Variants in LINGO2 observed in about 807,000 individuals in gnomAD.
LINGO2 encodes leucine rich repeat and Ig domain containing 2.
Under a neutral mutation model 30.6 loss-of-function variants are expected in LINGO2, and 14 were observed. The observed-to-expected ratio is 0.46, with a 90% CI of 0.30 to 0.72. The LOEUF is 0.72. Among genes scored for constraint, LINGO2 ranks in the 30% least tolerant of loss-of-function variants. The probability of loss-of-function intolerance (pLI) is 0.07; values close to 1 mark genes in which losing one functional copy is unlikely to be tolerated. For missense variants in LINGO2, 729 were observed against 751.7 expected (o/e 0.97, Z 0.35); for synonymous variants, 317 against 288.5 (o/e 1.10, Z -1.00).
At chr9:28,721,717 T>G in the LINGO2 span, among the ~76,000 whole-genome samples, 153 of 152,094 alleles carry the variant, frequency 1.0e-3, no homozygotes, top group Middle Eastern at 3.4e-3. Flanking sequence ...CATGTGGGGC[T>G]TAAAACCTAG....
chr9:28,597,861 T>C (rs917467040), intron 1 of LINGO2, among the ~76,000 whole-genome samples: 1 of 152,016 alleles, frequency 6.6e-6, no homozygotes, highest in African/African-American at 2.4e-5. Flanking sequence ...ACCTCCTGGG[T>C]TCAAGTGATT....
At chr9:28,048,735 AAT>A (rs1443999415) in intron 4 of LINGO2, among the ~76,000 whole-genome samples, 5 of 150,926 alleles carry the variant, frequency 3.3e-5, no homozygotes, top group African/African-American at 1.2e-4. Flanking sequence ...GAAAAGATTT[AAT>A]AAATTCAACC....
the LINGO2 span, among the ~76,000 whole-genome samples, chr9:28,746,944 C>G: frequency 6.6e-6 from 1 of 151,912 alleles, no homozygotes; most frequent in Non-Finnish European, 1.5e-5. Flanking sequence ...AACTGAATGA[C>G]TATATGTCAC....
At chr9:27,993,094 C>T (rs915910815) in intron 5 of LINGO2, among the ~76,000 whole-genome samples, 2 of 152,198 alleles carry the variant, frequency 1.3e-5, no homozygotes, top group Admixed American at 6.5e-5. Flanking sequence ...GACTAATATG[C>T]TAATTTCACA....
intron 5 of LINGO2, among the ~76,000 whole-genome samples, chr9:27,965,228 A>T (rs1424089335): frequency 1.3e-5 from 2 of 152,038 alleles, no homozygotes; most frequent in African/African-American, 4.8e-5. Context: ...TTACAGTCTC[A>T]GTAAGGGAAC....
At chr9:28,055,039 A>T (rs7037524) in intron 4 of LINGO2, among the ~76,000 whole-genome samples, 43,807 of 151,678 alleles carry the variant, frequency 0.29, 6,617 homozygotes, top group African/African-American at 0.37. Context: ...TTGCAAAAAA[A>T]ATATATATAG....
chr9:28,322,075 A>C (rs992730278), intron 3 of LINGO2, among the ~76,000 whole-genome samples: 4 of 152,118 alleles, frequency 2.6e-5, no homozygotes, highest in Non-Finnish European at 5.9e-5. Flanking sequence ...CTTCATCTCC[A>C]ATTTTGTCTT....
the LINGO2 span, among the ~76,000 whole-genome samples, chr9:29,049,297 T>A: frequency 6.6e-6 from 1 of 152,036 alleles, no homozygotes; most frequent in African/African-American, 2.4e-5. Flanking sequence ...ATGGCTTATA[T>A]CCAAAAGACA....
chr9:28,709,535 T>A, the LINGO2 span, among the ~76,000 whole-genome samples: 1 of 151,988 alleles, frequency 6.6e-6, no homozygotes, highest in Non-Finnish European at 1.5e-5. Flanking sequence ...TTTTCAAAAT[T>A]TTACTTCAAA....
chr9:28,226,641 AGGAAAG>A (rs1821164258), intron 4 of LINGO2, among the ~76,000 whole-genome samples: 1 of 52,358 alleles, frequency 1.9e-5, no homozygotes, highest in Admixed American at 2.1e-4. Flanking sequence ...GAAGGAAAGA[AGGAAAG>A]AAAGAAAGAA....
intron 5 of LINGO2, among the ~76,000 whole-genome samples, chr9:27,960,518 G>A (rs1819787420): frequency 6.6e-6 from 1 of 151,762 alleles, no homozygotes; most frequent in Admixed American, 6.6e-5. Context: ...TTTTCCTTAA[G>A]CTGTGATTCA....
the LINGO2 span, among the ~76,000 whole-genome samples, chr9:29,194,237 C>T: frequency 1.3e-5 from 2 of 152,162 alleles, no homozygotes; most frequent in Non-Finnish European, 1.5e-5. Context: ...AAGTCATGCA[C>T]CTCCTTTGGG....
chr9:28,498,594 C>T lies in LINGO2; in HGVS notation c.-364-22569G>A, dbSNP rs143505939. ...GCTAGGAAAGGGAACTCCCAGACCA[C>T]TTGCGCTTCCCGGGTAAGGCTATGC... On this transcript the variant is annotated intron_variant, in intron 1 of 5. Transcript: ENST00000379992. Among the ~76,000 whole-genome samples, 45 of 152,272 alleles carry T rather than the reference C, an allele frequency of 3.0e-4. No individual in the cohort carries two copies. In the East Asian group the frequency reaches 4.3e-3, roughly 14 times the overall value.
intron 4 of LINGO2, among the ~76,000 whole-genome samples, chr9:28,279,567 C>T (rs976435132): frequency 6.6e-6 from 1 of 152,100 alleles, no homozygotes; most frequent in African/African-American, 2.4e-5. Flanking sequence ...CATTCTTTAG[C>T]TTATTTTTAA....
intron 1 of LINGO2, among the ~76,000 whole-genome samples, chr9:28,479,956 T>TATATATAC (rs1491144467): frequency 2.4e-4 from 25 of 105,024 alleles, no homozygotes; most frequent in African/African-American, 3.2e-4. Flanking sequence ...TATATATATA[T>TATATATAC]GTACATTTTG....
In LINGO2 at chr9:28,663,172, T is replaced by G. The variant is rs115330775; in HGVS notation, c.-365+7028A>C. On this transcript the variant is annotated intron_variant, in intron 1 of 5. Transcript: ENST00000379992. ...ATATTGAGGTGCAGTTGTATTTTTT[T>G]TTGTTGTTGTTGGTGGGGAACGGAG... Among the ~76,000 whole-genome samples the G allele has an allele frequency of 7.0e-3, 1,062 of 152,196 alleles. 13 individuals are homozygous for G. Among genetic ancestry groups the G allele is most frequent in the African/African-American group, 0.022 (906 of 41,526 alleles).
the LINGO2 span, among the ~76,000 whole-genome samples, chr9:28,875,302 C>T: frequency 1.1e-4 from 16 of 151,972 alleles, no homozygotes; most frequent in South Asian, 2.9e-3. Context: ...TGAATATGTG[C>T]GTGCATGTCT....
At chr9:29,056,754 T>G in the LINGO2 span, among the ~76,000 whole-genome samples, 1 of 152,348 alleles carries the variant, frequency 6.6e-6, no homozygotes, top group African/African-American at 2.4e-5. Context: ...CATCTTGAAT[T>G]AATTTTTCTG....
At chr9:28,202,526 C>T (rs903052180) in intron 4 of LINGO2, among the ~76,000 whole-genome samples, 1 of 152,126 alleles carries the variant, frequency 6.6e-6, no homozygotes, top group Non-Finnish European at 1.5e-5. Flanking sequence ...ACAATTCTTT[C>T]CTGGAGGTGG....
Sources: gnomAD v4.1 joint callset for allele counts (sites outside exome capture counted in the v4.1 genomes callset) on GRCh38, gnomAD v4.1.1 for gene constraint, MANE v1.5 for transcripts, NCBI Gene and HGNC (gene_info 2026-07-23, HGNC 2026-07-21) for gene names.